The following WWC2 variants were observed in gnomAD, a reference collection of about 807,000 sequenced individuals.
The protein encoded by WWC2 is WW and C2 domain containing 2, also known as protein WWC2.
In WWC2, 101 loss-of-function variants were observed where a neutral mutation model predicts 138.5. The observed-to-expected ratio is 0.73, with a 90% CI of 0.62 to 0.86. The LOEUF (loss-of-function observed/expected upper bound fraction) is 0.86, where lower values mean the gene tolerates loss of function less well. WWC2 is among the 40% of genes least tolerant of loss of function. The probability of loss-of-function intolerance (pLI) is 0.00; values close to 1 mark genes in which losing one functional copy is unlikely to be tolerated. For missense variants in WWC2, 1,420 were observed against 1,419.4 expected (o/e 1.00, Z -0.01); for synonymous variants, 558 against 538.4 (o/e 1.04, Z -0.50).
intron 14 of WWC2, 76 bp from the exon 15 acceptor site, chr4:183,268,895 A>G (rs746042305): frequency 1.4e-6 from 2 of 1,399,922 alleles, no homozygotes; most frequent in African/African-American, 1.4e-5. Flanking sequence ...CTCTTTGCAG[A>G]TAATTTCAAA....
chr4:183,319,757 T>A lies in WWC2; in HGVS notation c.*4028T>A. Reference sequence around the variant, plus strand: ...CAAACTCCCACCTGGGGACAAAGTCTGGGACGTTCTCATCCCAGAACTCCT... The same window carrying A: ...CAAACTCCCACCTGGGGACAAAGTCAGGGACGTTCTCATCCCAGAACTCCT... On this transcript the variant is annotated 3_prime_UTR_variant, in exon 23 of 23. Transcript: ENST00000403733. 1 of 1,613,976 alleles carries A rather than the reference T, an allele frequency of 6.2e-7. No individual in the cohort carries two copies. The highest frequency in any genetic ancestry group is 8.5e-7 in the Non-Finnish European group (1 of 1,179,910).
chr4:183,243,791 G>A (rs898087600), intron 5 of WWC2, among the ~76,000 whole-genome samples: 3 of 128,476 alleles, frequency 2.3e-5, no homozygotes, highest in African/African-American at 8.8e-5. Context: ...GTGTGTGTGT[G>A]CATGTGTTTA....
rs1425105680 is a variant in WWC2, at chr4:183,103,340, T to A, written c.131+3718T>A. ...AGGAACTCTGTATTGTCTTTTTTTT[T>A]TTTTTTTTTTGAGACGGTGTTTTCG... On this transcript the variant is annotated intron_variant, in intron 1 of 22. Transcript: ENST00000403733. Among the ~76,000 whole-genome samples the A allele has an allele frequency of 2.7e-5, 4 of 150,904 alleles. No homozygotes were observed. In the East Asian group the frequency reaches 7.7e-4, roughly 29 times the overall value.
At chr4:183,246,577 A>G (rs1303542651) in intron 6 of WWC2, among the ~76,000 whole-genome samples, 1 of 152,242 alleles carries the variant, frequency 6.6e-6, no homozygotes, top group Non-Finnish European at 1.5e-5. Context: ...ACATTCTTCT[A>G]ACTGCCTTGC....
intron 10 of WWC2, among the ~76,000 whole-genome samples, 190 bp downstream of exon 10, chr4:183,259,918 A>G (rs758695360): frequency 3.0e-4 from 45 of 152,246 alleles, no homozygotes; most frequent in Non-Finnish European, 5.9e-5. Context: ...TTTGGAATAC[A>G]TTTGAAATAT....
chr4:183,222,641 G>T (rs573580549), intron 4 of WWC2, among the ~76,000 whole-genome samples: 1 of 152,062 alleles, frequency 6.6e-6, no homozygotes, highest in African/African-American at 2.4e-5. Flanking sequence ...ATATCATCTG[G>T]ACATGTTACT....
intron 4 of WWC2, among the ~76,000 whole-genome samples, chr4:183,232,768 C>T (rs1369881678): frequency 1.3e-5 from 2 of 152,196 alleles, no homozygotes; most frequent in African/African-American, 4.8e-5. Flanking sequence ...CTGTCTCAGC[C>T]TCCCGAGTAG....
Position 183,267,448 on chromosome 4 carries a change from T to G in WWC2, c.2207+1497T>G, listed in dbSNP as rs76563285. ...AAGCTGTGATGTTGGAGCATGCCAT[T>G]GGTGGCCTTTTAGTAAAGCAAATCA... On this transcript the variant is annotated intron_variant, in intron 14 of 22. Transcript: ENST00000403733. 8.3e-3 allele frequency among the ~76,000 whole-genome samples: 1,270 copies of G among 152,326 alleles called. 8 individuals carry two copies. Among genetic ancestry groups the G allele is most frequent in the Middle Eastern group, 0.048 (14 of 294 alleles).
At chr4:183,107,038 G>A (rs1372670674) in intron 1 of WWC2, among the ~76,000 whole-genome samples, 1 of 152,166 alleles carries the variant, frequency 6.6e-6, no homozygotes, top group East Asian at 1.9e-4. Context: ...CCCACCAGCA[G>A]GGTATGAGTG....
At chr4:183,152,548 G>A (rs1474926767) in intron 1 of WWC2, among the ~76,000 whole-genome samples, 1 of 144,484 alleles carries the variant, frequency 6.9e-6, no homozygotes, top group African/African-American at 2.6e-5. Context: ...AAAAAAAAAC[G>A]CACACACAGG....
At chr4:183,113,886 T>A (rs1732329223) in intron 1 of WWC2, among the ~76,000 whole-genome samples, 1 of 151,858 alleles carries the variant, frequency 6.6e-6, no homozygotes, top group South Asian at 2.1e-4. Flanking sequence ...AAAACCTATG[T>A]TTTTTTGGTA....
At chr4:183,155,865 A>G (rs565240756) in intron 1 of WWC2, among the ~76,000 whole-genome samples, 1 of 152,316 alleles carries the variant, frequency 6.6e-6, no homozygotes, top group African/African-American at 2.4e-5. Flanking sequence ...CTGTCTGTCA[A>G]GGTTGGTGGT....
At chr4:183,108,162 T>C (rs1451798915) in intron 1 of WWC2, among the ~76,000 whole-genome samples, 1 of 152,174 alleles carries the variant, frequency 6.6e-6, no homozygotes, top group Non-Finnish European at 1.5e-5. Context: ...TAGCTCGTTA[T>C]ATATGTGAAG....
chr4:183,256,580 C>T (rs982958777), intron 9 of WWC2, among the ~76,000 whole-genome samples: 13 of 152,228 alleles, frequency 8.5e-5, no homozygotes, highest in African/African-American at 2.9e-4. Flanking sequence ...GCAGTGTCTC[C>T]TCAGTGTCAA....
At chr4:183,148,224 A>G (rs757572674) in intron 1 of WWC2, among the ~76,000 whole-genome samples, 1 of 152,218 alleles carries the variant, frequency 6.6e-6, no homozygotes, top group Non-Finnish European at 1.5e-5. Flanking sequence ...CTAATGAAAA[A>G]TACTGCTTAA....
Position 183,261,122 on chromosome 4 carries a change from G to C in WWC2, c.1499G>C (p.Gly500Ala). ...LQEKSGYIPS[G>A]PITTIHENEV... ...GAGAAAAGCGGTTACATTCCTTCTG[G>C]ACCCATCACCACCATCCATGAAAAC... Residue 500 changes from glycine to alanine, a missense_variant, in exon 11 of 23, where the codon GGA (glycine) becomes GCA (alanine). Physicochemically the swap from Gly to Ala is moderately conservative, Grantham distance 60. Coordinates refer to ENST00000403733, the MANE Select transcript of WWC2 (RefSeq NM_024949.6). 1 of 1,613,856 alleles carries C rather than the reference G, an allele frequency of 6.2e-7. No individual in the cohort carries two copies.
chr4:183,152,545 A>C (rs1009308138), intron 1 of WWC2, among the ~76,000 whole-genome samples: 14 of 151,488 alleles, frequency 9.2e-5, no homozygotes, highest in South Asian at 4.2e-4. Flanking sequence ...AAAAAAAAAA[A>C]ACGCACACAC....
At chr4:183,113,484 G>GTGTGTGTGTA (rs1399644025) in intron 1 of WWC2, among the ~76,000 whole-genome samples, 26 of 17,826 alleles carry the variant, frequency 1.5e-3, no homozygotes, top group African/African-American at 3.7e-3. Flanking sequence ...TGGGGCCTGT[G>GTGTGTGTGTA]TGTGTGTGTG....
intron 1 of WWC2, among the ~76,000 whole-genome samples, chr4:183,118,051 G>A (rs1006030397): frequency 9.9e-5 from 15 of 152,132 alleles, no homozygotes; most frequent in African/African-American, 3.1e-4. Flanking sequence ...ACCCACCTTG[G>A]CCTCCCAAAG....
Sources: gnomAD v4.1 joint callset for allele counts (sites outside exome capture counted in the v4.1 genomes callset) on GRCh38, gnomAD v4.1.1 for gene constraint, MANE v1.5 for transcripts, NCBI Gene and HGNC (gene_info 2026-07-23, HGNC 2026-07-21) for gene names.